Variants in KTN1 observed in about 807,000 individuals in gnomAD.
KTN1 encodes the protein kinectin 1.
In KTN1, 130 loss-of-function variants were observed where a neutral mutation model predicts 222.5. The ratio of observed to expected loss-of-function variants is 0.58; its 90% confidence interval spans 0.51 to 0.68. KTN1 has a LOEUF of 0.68. Among genes scored for constraint, KTN1 ranks in the 30% least tolerant of loss-of-function variants. KTN1 has a pLI of 0.00. For synonymous variants in KTN1, 512 were observed against 496.3 expected (o/e 1.03, Z -0.42); for missense variants, 1,508 against 1,500.4 (o/e 1.01, Z -0.08).
intron 42 of KTN1, 149 bp downstream of exon 42, chr14:55,678,593 C>A (rs573435838): frequency 3.3e-6 from 2 of 611,894 alleles, no homozygotes; most frequent in African/African-American, 3.7e-5. Flanking sequence ...TGTTTGATCT[C>A]ATTTTTGCTT....
Position 55,612,386 on chromosome 14 carries a change from A to T in KTN1, c.338A>T (p.Glu113Val). The change falls in exon 2 of 44, where the codon GAA becomes GTA. Residue 113 changes from glutamate (E) to valine (V), a missense_variant. Physicochemically the swap from Glu to Val is moderately radical, Grantham distance 121. Coordinates refer to ENST00000395314, the MANE Select transcript of KTN1 (RefSeq NM_001079521.2). The part of the protein sequence containing the change: ...NVVETSSSVR[E>V]RKKKEKKQKP... ...GTTGAAACTTCAAGTAGTGTTAGGG[A>T]AAGAAAAAAGAAGGAAAAGAAACAA... is the stretch of plus-strand genomic sequence containing the variant. 1.2e-6 allele frequency: 2 copies of T among 1,614,002 alleles called. No individual in the cohort carries two copies. Among genetic ancestry groups the T allele is most frequent in the Non-Finnish European group, 1.7e-6 (2 of 1,179,960 alleles).
intron 12 of KTN1, among the ~76,000 whole-genome samples, chr14:55,638,480 G>T (rs1463153297): frequency 6.6e-6 from 1 of 151,846 alleles, no homozygotes; most frequent in Non-Finnish European, 1.5e-5. Context: ...TTAGAAGTCT[G>T]ACATTTCTGT....
intron 1 of KTN1, among the ~76,000 whole-genome samples, chr14:55,583,569 T>G (rs1253502950): frequency 6.6e-6 from 1 of 152,222 alleles, no homozygotes; most frequent in African/African-American, 2.4e-5. Flanking sequence ...ATTCTGCTTT[T>G]TGGGCTTTCT....
intron 10 of KTN1, 84 bp downstream of exon 10, chr14:55,636,620 AT>A: frequency 1.0e-6 from 1 of 989,374 alleles, no homozygotes; most frequent in South Asian, 1.6e-5. Flanking sequence ...AGAAAGTATA[AT>A]TTGGCATTTT....
intron 1 of KTN1, among the ~76,000 whole-genome samples, chr14:55,581,521 T>C (rs2031637863): frequency 6.6e-6 from 1 of 152,084 alleles, no homozygotes; most frequent in Non-Finnish European, 1.5e-5. Context: ...TGAAGTTAAC[T>C]GTTAAGGTGT....
intron 29 of KTN1, among the ~76,000 whole-genome samples, chr14:55,656,980 C>T (rs999346670): frequency 3.3e-5 from 5 of 152,178 alleles, no homozygotes; most frequent in Non-Finnish European, 4.4e-5. Context: ...CAATATCTTA[C>T]CTTCATGCAG....
intron 1 of KTN1, among the ~76,000 whole-genome samples, chr14:55,604,663 A>C (rs2036477023): frequency 6.6e-6 from 1 of 152,098 alleles, no homozygotes; most frequent in Non-Finnish European, 1.5e-5. Flanking sequence ...TGGCCCTTTT[A>C]CTGCTGTTTA....
chr14:55,652,791 T>A (rs1281112782), intron 25 of KTN1, 59 bp from the exon 26 acceptor site: 2 of 1,180,706 alleles, frequency 1.7e-6, no homozygotes, highest in Non-Finnish European at 2.5e-6. Context: ...TGTCTAAGAT[T>A]TTTGCTTTTT....
At chr14:55,609,065 G>A (rs2140560018) in intron 1 of KTN1, among the ~76,000 whole-genome samples, 1 of 151,602 alleles carries the variant, frequency 6.6e-6, no homozygotes, top group African/African-American at 2.4e-5. Context: ...GATACATGTG[G>A]AGAACGTGCA....
rs1372406890 is a variant in KTN1, at chr14:55,651,906, A to G, written c.2582A>G (p.Lys861Arg). The change falls in exon 25 of 44, where the codon AAA becomes AGA. Residue 861 changes from lysine to arginine, a missense_variant. Transcript: ENST00000395314. Reference protein sequence around the residue: ...EKAQQLSITSKVQELQNLLKG... With the variant: ...EKAQQLSITSRVQELQNLLKG... ...GTATTTCAGTTATCTATCACTTCCA[A>G]AGTTCAGGAGCTTCAGAACTTGTAA... 4 of 1,573,154 alleles carry G rather than the reference A, an allele frequency of 2.5e-6. No individual in the cohort carries two copies. Among genetic ancestry groups the G allele is most frequent in the Non-Finnish European group, 3.5e-6 (4 of 1,149,490 alleles).
chr14:55,664,279 A>T (rs2044461333), intron 33 of KTN1, among the ~76,000 whole-genome samples: 1 of 152,156 alleles, frequency 6.6e-6, no homozygotes, highest in Admixed American at 6.5e-5. Context: ...CTTTAAGCTG[A>T]AGAGTCTCAG....
rs754203930 is a variant in KTN1, at chr14:55,652,881, A to G, written c.2635A>G (p.Met879Val). 4 of 1,610,188 alleles carry G rather than the reference A, an allele frequency of 2.5e-6. No homozygotes were observed. The highest frequency in any genetic ancestry group is 2.5e-6 in the Non-Finnish European group (3 of 1,177,302). The change falls in exon 26 of 44, where the codon ATG (methionine) becomes GTG (valine). Residue 879 changes from methionine (M) to valine (V), a missense_variant. Met to Val is a conservative substitution (Grantham distance 21, BLOSUM62 1). Coordinates refer to ENST00000395314, the MANE Select transcript of KTN1 (RefSeq NM_001079521.2). Reference protein sequence around the residue: ...LKGKEEQMNTMKAVLEEKEKD... With the variant: ...LKGKEEQMNTVKAVLEEKEKD... ...AGGAAAAGAGGAACAGATGAATACC[A>G]TGAAGGCTGTTTTGGAAGAGAAAGA...
At chr14:55,614,995 G>C (rs576018363) in intron 2 of KTN1, among the ~76,000 whole-genome samples, 1 of 152,286 alleles carries the variant, frequency 6.6e-6, no homozygotes, top group East Asian at 1.9e-4. Context: ...CCTTAAGCGT[G>C]AAGGTAGTAG....
At chr14:55,638,474 A>T (rs2041398243) in intron 12 of KTN1, among the ~76,000 whole-genome samples, 1 of 151,924 alleles carries the variant, frequency 6.6e-6, no homozygotes. Context: ...ATTGGCTTAG[A>T]AGTCTGACAT....
intron 37 of KTN1, 112 bp downstream of exon 37, chr14:55,671,989 A>G (rs2045495165): frequency 1.5e-6 from 1 of 668,674 alleles, no homozygotes; most frequent in African/African-American, 1.8e-5. Context: ...ACCAAATCCA[A>G]AACATGTATG....
At chr14:55,659,754 T>C (rs774440932) in intron 31 of KTN1, 51 bp downstream of exon 31, 1 of 1,031,562 alleles carries the variant, frequency 9.7e-7, no homozygotes, top group South Asian at 1.3e-5. Context: ...TATTTTTATG[T>C]GGTAAACCAT....
chr14:55,625,267 T>G (rs1416055405), intron 5 of KTN1, among the ~76,000 whole-genome samples: 1 of 150,366 alleles, frequency 6.7e-6, no homozygotes, highest in Non-Finnish European at 1.5e-5. Flanking sequence ...TAGCATATAA[T>G]AACTGCTGAA....
At chr14:55,646,458 CCT>C (rs1566787980) in intron 18 of KTN1, among the ~76,000 whole-genome samples, 6 of 60,512 alleles carry the variant, frequency 9.9e-5, no homozygotes, top group East Asian at 5.3e-4. Flanking sequence ...TTTTCCTTTT[CCT>C]TTTCCTTTCC....
chr14:55,651,947 T>A lies in KTN1; in HGVS notation c.2603+20T>A, dbSNP rs1265099559. 6.8e-7 allele frequency: 1 copy of A among 1,476,398 alleles called. No homozygotes were observed. Among genetic ancestry groups the A allele is most frequent in the Non-Finnish European group, 9.4e-7 (1 of 1,068,548 alleles). 91.5% of individuals were successfully genotyped at this position (1,476,398 alleles called of 1,614,324 possible). A position where few individuals can be genotyped will look rare whatever the true frequency, so the allele number is the denominator to read the frequency against. On this transcript the variant is annotated intron_variant, in intron 25 of 43. Transcript: ENST00000395314. ...GAACTTGTAAGTACCATTTATCTCA[T>A]TTCCTTTTACTATTTCTTTTTCATG...
Sources: gnomAD v4.1 joint callset for allele counts (sites outside exome capture counted in the v4.1 genomes callset) on GRCh38, gnomAD v4.1.1 for gene constraint, MANE v1.5 for transcripts, NCBI Gene and HGNC (gene_info 2026-07-23, HGNC 2026-07-21) for gene names.